The following PFKFB3 variants were observed in gnomAD, a reference collection of about 807,000 sequenced individuals.
PFKFB3 encodes 6-phosphofructo-2-kinase/fructose-2,6-biphosphatase 3.
A neutral mutation model predicts 68.0 loss-of-function variants in PFKFB3; 33 were observed. The observed-to-expected ratio is 0.49, with a 90% CI of 0.37 to 0.65. The LOEUF is 0.65. PFKFB3 is among the 30% of genes least tolerant of loss of function. The pLI, the probability that PFKFB3 is intolerant of heterozygous loss-of-function variation, is 0.00. For missense variants in PFKFB3, 586 were observed against 712.2 expected (o/e 0.82, Z 2.02); for synonymous variants, 315 against 288.2 (o/e 1.09, Z -0.94).
At chr10:6,238,967 C>G (rs1276421499), downstream of PFKFB3, among the ~76,000 whole-genome samples, 1 of 152,122 alleles carries the variant, frequency 6.6e-6, no homozygotes, top group Non-Finnish European at 1.5e-5. Context: ...TCCAGTCTAT[C>G]ATTGATGGGC....
At chr10:6,265,203 C>T in the PFKFB3 span, among the ~76,000 whole-genome samples, 1 of 151,524 alleles carries the variant, frequency 6.6e-6, no homozygotes, top group South Asian at 2.1e-4. Flanking sequence ...GCCTCAGCCT[C>T]CCGAGTAGCT....
At chr10:6,155,273 G>A (rs899814957) in intron 1 of PFKFB3, among the ~76,000 whole-genome samples, 2 of 147,784 alleles carry the variant, frequency 1.4e-5, no homozygotes, top group African/African-American at 2.5e-5. Context: ...CGCGATCTCG[G>A]CTCACTGCAA....
chr10:6,233,183 C>T lies in PFKFB3; in HGVS notation c.*241C>T. ...TAGCCGTGGGGCCCCCACCTCCACT[C>T]TCTGGGTTTCCTAGGAATGTCCAGC... On this transcript the variant is annotated 3_prime_UTR_variant, in exon 15 of 15. Coordinates refer to ENST00000379775, the MANE Select transcript of PFKFB3 (RefSeq NM_004566.4). 1 of 505,162 alleles carries T rather than the reference C, an allele frequency of 2.0e-6. No individual in the cohort carries two copies. Among genetic ancestry groups the T allele is most frequent in the Non-Finnish European group, 3.6e-6 (1 of 279,874 alleles). The allele number at this position is 505,162 out of a possible 1,614,324, so 31.3% of individuals were successfully genotyped here.
intron 1 of PFKFB3, among the ~76,000 whole-genome samples, chr10:6,153,310 C>A (rs760966446): frequency 6.6e-6 from 1 of 152,350 alleles, no homozygotes; most frequent in Non-Finnish European, 1.5e-5. Flanking sequence ...TCCATAAGCT[C>A]TTCGGTCCTT....
chr10:6,202,798 C>A, upstream of PFKFB3: 1 of 835,202 alleles, frequency 1.2e-6, no homozygotes, highest in Non-Finnish European at 1.5e-6. Flanking sequence ...TCGCAGGCTG[C>A]TTCCCGGCTC....
chr10:6,253,261 C>G (rs1314041768), intron 14 of PFKFB3, among the ~76,000 whole-genome samples: 12 of 152,154 alleles, frequency 7.9e-5, no homozygotes, highest in Admixed American at 7.2e-4. Context: ...ATCGATTGCC[C>G]TTGTAATTAA....
At chr10:6,303,176 G>T in the PFKFB3 span, among the ~76,000 whole-genome samples, 1 of 152,122 alleles carries the variant, frequency 6.6e-6, no homozygotes, top group Admixed American at 6.5e-5. Flanking sequence ...TTTATGGACT[G>T]CTCTAAGCTT....
chr10:6,317,190 G>C, the PFKFB3 span, among the ~76,000 whole-genome samples: 23 of 152,306 alleles, frequency 1.5e-4, no homozygotes, highest in Middle Eastern at 0.014. Flanking sequence ...ACGTGCTCTT[G>C]ATACTGTCAA....
chr10:6,255,028 G>T (rs1846474038), downstream of PFKFB3, among the ~76,000 whole-genome samples: 1 of 151,608 alleles, frequency 6.6e-6, no homozygotes, highest in Non-Finnish European at 1.5e-5. Flanking sequence ...CATTGGCCAG[G>T]CTGGTCTCGA....
downstream of PFKFB3, among the ~76,000 whole-genome samples, chr10:6,259,334 ACATC>A (rs1846518991): frequency 7.0e-6 from 1 of 143,578 alleles, no homozygotes; most frequent in Non-Finnish European, 1.5e-5. Context: ...CCATCCATCT[ACATC>A]CATCCATCTA....
the PFKFB3 span, among the ~76,000 whole-genome samples, chr10:6,313,558 C>T: frequency 1.3e-5 from 2 of 152,208 alleles, no homozygotes; most frequent in African/African-American, 2.4e-5. The surrounding 1 kb of genome is among the most constrained non-coding windows in gnomAD (Gnocchi z 4.2). Context: ...CAGACTCTTC[C>T]GATTCCATCT....
rs1483640064 is a variant in PFKFB3, at chr10:6,219,711, C to T, written c.623+18C>T. 6.8e-6 allele frequency: 11 copies of T among 1,611,870 alleles called. No individual in the cohort carries two copies. Among genetic ancestry groups the T allele is most frequent in the South Asian group, 1.1e-5 (1 of 91,024 alleles). On this transcript the variant is annotated intron_variant, in intron 7 of 14. Coordinates refer to ENST00000379775, the MANE Select transcript of PFKFB3 (RefSeq NM_004566.4). Reference sequence around the variant, plus strand: ...TGCGACAGGTGATTCCCGTGGCTGGCCGTCTCTGCAAGACCCACATGAGGG... The same window carrying T: ...TGCGACAGGTGATTCCCGTGGCTGGTCGTCTCTGCAAGACCCACATGAGGG...
chr10:6,180,869 C>T (rs1231552115), intron 1 of PFKFB3, among the ~76,000 whole-genome samples: 1 of 152,142 alleles, frequency 6.6e-6, no homozygotes, highest in African/African-American at 2.4e-5. Context: ...AGTTCTCTGG[C>T]AAGTAGCAGA....
the PFKFB3 span, among the ~76,000 whole-genome samples, chr10:6,281,179 A>ATATATATATATATATATATATATATATG: frequency 7.6e-6 from 1 of 132,388 alleles, no homozygotes; most frequent in Non-Finnish European, 1.7e-5. Context: ...ATATATATAT[A>ATATATATATATATATATATATATATATG]TATACACCAC....
the PFKFB3 span, among the ~76,000 whole-genome samples, chr10:6,313,431 G>C: frequency 6.6e-6 from 1 of 152,162 alleles, no homozygotes; most frequent in Non-Finnish European, 1.5e-5. This position sits in a 1 kb window ranked among gnomAD's most constrained non-coding sequence, Gnocchi z 4.2. Flanking sequence ...GCTGGGTGCT[G>C]GTTGCTCAGT....
chr10:6,295,787 A>G, the PFKFB3 span, among the ~76,000 whole-genome samples: 6 of 152,198 alleles, frequency 3.9e-5, no homozygotes, highest in Non-Finnish European at 8.8e-5. Flanking sequence ...ATTTCAGAAC[A>G]GTTACTTTCC....
At chr10:6,296,526 C>T in the PFKFB3 span, among the ~76,000 whole-genome samples, 1 of 152,200 alleles carries the variant, frequency 6.6e-6, no homozygotes, top group Non-Finnish European at 1.5e-5. Flanking sequence ...GTGGGCTGCT[C>T]AGTTGCTTAC....
chr10:6,219,022 T>A (rs761523000), intron 6 of PFKFB3, among the ~76,000 whole-genome samples: 2 of 152,214 alleles, frequency 1.3e-5, no homozygotes, highest in Non-Finnish European at 2.9e-5. Flanking sequence ...TGTTGTTGCC[T>A]AGGAGAGCGA....
intron 2 of PFKFB3, among the ~76,000 whole-genome samples, chr10:6,214,864 T>C (rs932088370): frequency 1.3e-5 from 2 of 152,204 alleles, no homozygotes; most frequent in African/African-American, 2.4e-5. Context: ...TTGGTGGAAA[T>C]GTGTTGTCCC....
Sources: allele counts gnomAD v4.1 joint callset (sites outside exome capture counted in the v4.1 genomes callset), GRCh38; gene constraint gnomAD v4.1.1; non-coding constraint Gnocchi (gnomAD v3.1); transcripts MANE v1.5; gene names NCBI Gene and HGNC (gene_info 2026-07-23, HGNC 2026-07-21).